The following TPTE2 variants were observed in gnomAD, a reference collection of about 807,000 sequenced individuals.
The protein encoded by TPTE2 is transmembrane phosphoinositide 3-phosphatase and tensin homolog 2.
TPTE2 carries 53 observed loss-of-function variants against 78.6 expected under a neutral mutation model. That is an observed-to-expected ratio of 0.67 (90% CI 0.54 to 0.85). TPTE2 has a LOEUF of 0.85. Among genes scored for constraint, TPTE2 ranks in the 40% least tolerant of loss-of-function variants. TPTE2 has a pLI of 0.00. For synonymous variants in TPTE2, 175 were observed against 206.2 expected (o/e 0.85, Z 1.30); for missense variants, 461 against 623.0 (o/e 0.74, Z 2.77).
chr13:19,519,065 T>C (rs1869983748), intron 1 of TPTE2, among the ~76,000 whole-genome samples: 1 of 152,130 alleles, frequency 6.6e-6, no homozygotes, highest in Non-Finnish European at 1.5e-5. Context: ...CCCCACCAGG[T>C]TCTCATGATG....
At position 19,486,422 on chromosome 13, in the gene TPTE2, T is replaced by TG. The variant is rs1478826011; in HGVS notation, c.120-3876dup. 6.6e-6 allele frequency among the ~76,000 whole-genome samples: 1 copy of TG among 152,064 alleles called. No homozygotes were observed. The highest frequency in any genetic ancestry group is 2.4e-5 in the African/African-American group (1 of 41,412). On this transcript the variant is annotated intron_variant, in intron 3 of 19. Coordinates refer to ENST00000400230, the Ensembl canonical transcript of TPTE2. This position sits in a 1 kb window ranked among gnomAD's most constrained non-coding sequence, Gnocchi z 4.3. The stretch of plus-strand genomic sequence containing the variant: ...CAGGCATACACTGGGTCAGAAAACT[T>TG]GGAGTATGGCCTTATGCGGCTGGCC...
rs377328975 is a variant in TPTE2, at chr13:19,513,762, C to T, written c.-43-10485G>A. ...AGTTTAATGAATCAGGATTTAAATA[C>T]AATTCTTTATTACTGAACCAGATCA... On this transcript the variant is annotated intron_variant, in intron 1 of 17. Coordinates refer to the TPTE2 transcript ENST00000390680. Among the ~76,000 whole-genome samples, 22 of 152,216 alleles carry T rather than the reference C, an allele frequency of 1.4e-4. 1 individual carries two copies. The South Asian group carries it at 4.4e-3, about 30-fold the overall frequency.
chr13:19,450,116 A>T lies in TPTE2; in HGVS notation c.933T>A (p.Asp311Glu), dbSNP rs1411703628. The T allele has an allele frequency of 3.7e-6, 6 of 1,611,444 alleles. No individual in the cohort carries two copies. In the South Asian group the frequency reaches 6.6e-5, roughly 18 times the overall value. ...AGTGAATCGCTACGATGTTTTCAAG[A>T]TCTTGAGCCATCCACTCATTTACTT... The change falls in exon 13 of 20, where the codon GAT (aspartate) becomes GAA (glutamate). Residue 311 changes from aspartate to glutamate, a missense_variant. Coordinates refer to ENST00000400230, the Ensembl canonical transcript of TPTE2.
At chr13:19,463,668 A>G (rs1157696825) in intron 10 of TPTE2, among the ~76,000 whole-genome samples, 1 of 151,950 alleles carries the variant, frequency 6.6e-6, no homozygotes, top group African/African-American at 2.4e-5. Flanking sequence ...TGTCTCCTAT[A>G]GTGTTCATTG....
chr13:19,427,751 T>C (rs546760496), intron 17 of TPTE2, among the ~76,000 whole-genome samples: 1 of 152,282 alleles, frequency 6.6e-6, no homozygotes, highest in South Asian at 2.1e-4. Context: ...GGCTGCAGGA[T>C]GGAGTGACCA....
chr13:19,538,252 A>G (rs938166939), upstream of TPTE2, among the ~76,000 whole-genome samples: 21 of 151,608 alleles, frequency 1.4e-4, no homozygotes, highest in Non-Finnish European at 2.5e-4. Context: ...ACGGAGTCTC[A>G]CTCTGTCACC....
chr13:19,495,208 G>A (rs990755484), intron 1 of TPTE2, among the ~76,000 whole-genome samples: 3 of 71,200 alleles, frequency 4.2e-5, no homozygotes, highest in African/African-American at 8.8e-5. Flanking sequence ...AGTAGCTGGA[G>A]GCCTCAAGCA....
chr13:19,447,521 G>C (rs1189628517), intron 13 of TPTE2, among the ~76,000 whole-genome samples: 1 of 152,036 alleles, frequency 6.6e-6, no homozygotes, highest in Non-Finnish European at 1.5e-5. Context: ...CCAACCTGTA[G>C]AGCTAAACAC....
chr13:19,443,577 A>G (rs1178422629), intron 13 of TPTE2, among the ~76,000 whole-genome samples: 4 of 151,718 alleles, frequency 2.6e-5, no homozygotes, highest in African/African-American at 9.7e-5. Flanking sequence ...AAATTTTTGT[A>G]TTTTTTAGTA....
chr13:19,476,791 T>G (rs1394867209), intron 4 of TPTE2, among the ~76,000 whole-genome samples: 1 of 152,086 alleles, frequency 6.6e-6, no homozygotes, highest in Non-Finnish European at 1.5e-5. Context: ...TCAACCACTG[T>G]AAAAAGCAGT....
At chr13:19,518,765 C>A (rs1869960616) in intron 1 of TPTE2, among the ~76,000 whole-genome samples, 1 of 152,134 alleles carries the variant, frequency 6.6e-6, no homozygotes, top group South Asian at 2.1e-4. Context: ...CTCCCATCTT[C>A]ACAACGGAAA....
upstream of TPTE2, among the ~76,000 whole-genome samples, chr13:19,541,521 T>C (rs1871435863): frequency 6.6e-6 from 1 of 152,226 alleles, no homozygotes; most frequent in South Asian, 2.1e-4. Flanking sequence ...CTCTTATTTA[T>C]AATCTTAAAG....
At chr13:19,550,756 AC>A in the TPTE2 span, among the ~76,000 whole-genome samples, 1 of 152,012 alleles carries the variant, frequency 6.6e-6, no homozygotes, top group Non-Finnish European at 1.5e-5. Context: ...ACATTATTAT[AC>A]CTCAATACTG....
intron 17 of TPTE2, among the ~76,000 whole-genome samples, chr13:19,427,466 A>G (rs1876217895): frequency 6.6e-6 from 1 of 152,130 alleles, no homozygotes; most frequent in African/African-American, 2.4e-5. Flanking sequence ...TTATTATTTA[A>G]TGTGTCTCAT....
chr13:19,482,605 A>G (rs1404505731), intron 3 of TPTE2, 58 bp from the exon 7 acceptor site: 1 of 1,591,568 alleles, frequency 6.3e-7, no homozygotes, highest in African/African-American at 1.3e-5. Flanking sequence ...TACACAAAAT[A>G]GTGATGAAAA....
Position 19,475,565 on chromosome 13 carries a change from T to C in TPTE2, c.230+8A>G, listed in dbSNP as rs1312711459. The C allele has an allele frequency of 6.2e-7, 1 of 1,607,524 alleles. No individual in the cohort carries two copies. Among genetic ancestry groups the C allele is most frequent in the Admixed American group, 1.7e-5 (1 of 59,482 alleles). On this transcript the variant is annotated splice_region_variant and intron_variant, in intron 5 of 19. Coordinates refer to ENST00000400230, the Ensembl canonical transcript of TPTE2. ...TTTAATACATGGTGTTTTCTATGTCTCACATACCCAAATGCAAAGGATGAT... is the reference window on the plus strand; with the variant it reads ...TTTAATACATGGTGTTTTCTATGTCCCACATACCCAAATGCAAAGGATGAT...
At chr13:19,461,985 G>A (rs935784382) in intron 10 of TPTE2, among the ~76,000 whole-genome samples, 12 of 148,224 alleles carry the variant, frequency 8.1e-5, no homozygotes, top group Non-Finnish European at 1.3e-4. Flanking sequence ...TTTTAATTGG[G>A]AATTTGATCT....
chr13:19,556,016 T>C, the TPTE2 span, among the ~76,000 whole-genome samples: 1 of 151,970 alleles, frequency 6.6e-6, no homozygotes, highest in South Asian at 2.1e-4. Context: ...TTTCACCATG[T>C]TGGCCAGGCT....
At position 19,535,127 on chromosome 13, in the gene TPTE2, C is replaced by T. The variant is rs1435582045; in HGVS notation, c.-44+1469G>A. Among the ~76,000 whole-genome samples, 3 of 151,910 alleles carry T rather than the reference C, an allele frequency of 2.0e-5. No individual in the cohort carries two copies. The highest frequency in any genetic ancestry group is 4.8e-5 in the African/African-American group (2 of 41,322). ...GCTGAGGCAGGAGAATCACTGGAAC[C>T]CAGGAGGCGGAGGTTGCAGTGAGCT... On this transcript the variant is annotated intron_variant, in intron 1 of 17. Coordinates refer to the TPTE2 transcript ENST00000390680. The surrounding 1 kb of genome is among the most constrained non-coding windows in gnomAD (Gnocchi z 5.1).
Sources: gnomAD v4.1 joint callset for allele counts (sites outside exome capture counted in the v4.1 genomes callset) on GRCh38, gnomAD v4.1.1 for gene constraint, Gnocchi (gnomAD v3.1) non-coding constraint, MANE v1.5 for transcripts, NCBI Gene and HGNC (gene_info 2026-07-23, HGNC 2026-07-21) for gene names.